Variants in ZBTB16 observed in about 807,000 individuals in gnomAD.
The protein encoded by ZBTB16 is zinc finger and BTB domain-containing protein 16.
A neutral mutation model predicts 56.8 loss-of-function variants in ZBTB16; 8 were observed. The observed-to-expected ratio is 0.14, with a 90% CI of 0.08 to 0.25. The LOEUF is 0.25. Among genes scored for constraint, ZBTB16 ranks in the 10% least tolerant of loss-of-function variants. The pLI, the probability that ZBTB16 is intolerant of heterozygous loss-of-function variation, is 1.00. For missense variants in ZBTB16, 625 were observed against 903.0 expected (o/e 0.69, Z 3.95); for synonymous variants, 363 against 368.5 (o/e 0.98, Z 0.17).
chr11:114,205,875 G>A (rs543461456), intron 4 of ZBTB16, among the ~76,000 whole-genome samples: 2 of 152,328 alleles, frequency 1.3e-5, no homozygotes, highest in South Asian at 2.1e-4. Flanking sequence ...CTCCTCTGGG[G>A]AACACACTTG....
chr11:114,133,790 G>A (rs1234252082), intron 2 of ZBTB16, among the ~76,000 whole-genome samples: 4 of 152,188 alleles, frequency 2.6e-5, no homozygotes, highest in African/African-American at 9.7e-5. Context: ...CACTGGGTTG[G>A]CCCCATGGTC....
intron 4 of ZBTB16, among the ~76,000 whole-genome samples, chr11:114,203,954 G>T (rs1274504032): frequency 6.6e-6 from 1 of 152,160 alleles, no homozygotes; most frequent in Non-Finnish European, 1.5e-5. Flanking sequence ...AGACGGGGTA[G>T]TTGCGTCTGT....
intron 6 of ZBTB16, among the ~76,000 whole-genome samples, chr11:114,248,328 A>G (rs1421978487): frequency 6.6e-6 from 1 of 152,240 alleles, no homozygotes; most frequent in Non-Finnish European, 1.5e-5. Context: ...TTGCTTGTGA[A>G]AGCTAATTTT....
At chr11:114,110,448 G>A (rs1940965160) in intron 2 of ZBTB16, among the ~76,000 whole-genome samples, 1 of 152,156 alleles carries the variant, frequency 6.6e-6, no homozygotes, top group South Asian at 2.1e-4. Flanking sequence ...AAACTTTTAG[G>A]GCTTTTGCGT....
chr11:114,177,286 C>A (rs1408639122), intron 3 of ZBTB16, among the ~76,000 whole-genome samples: 2 of 152,328 alleles, frequency 1.3e-5, no homozygotes, highest in East Asian at 1.9e-4. Context: ...TGAGCTGTTG[C>A]TGTTGCCAGG....
At chr11:114,233,081 G>GCGCACACACACACACACA (rs1250341636) in intron 4 of ZBTB16, among the ~76,000 whole-genome samples, 1 of 87,478 alleles carries the variant, frequency 1.1e-5, no homozygotes, top group African/African-American at 4.4e-5. Flanking sequence ...GCGCGCGCGC[G>GCGCACACACACACACACA]CACACACACA....
intron 3 of ZBTB16, among the ~76,000 whole-genome samples, chr11:114,174,312 G>GTTTTTT (rs11417322): frequency 1.4e-5 from 2 of 145,882 alleles, no homozygotes; most frequent in Non-Finnish European, 3.0e-5. Flanking sequence ...TCTGACTGAG[G>GTTTTTT]TTTTTTTTTT....
chr11:114,169,938 A>T (rs537337491), intron 3 of ZBTB16, among the ~76,000 whole-genome samples: 43 of 152,296 alleles, frequency 2.8e-4, no homozygotes, highest in African/African-American at 1.0e-3. Flanking sequence ...CCAGGCAGGC[A>T]TCTCTTTCCT....
At chr11:114,105,224 TTC>T (rs1414782231) in intron 2 of ZBTB16, among the ~76,000 whole-genome samples, 1 of 151,040 alleles carries the variant, frequency 6.6e-6, no homozygotes, top group Non-Finnish European at 1.5e-5. Flanking sequence ...GCTGAATTAA[TTC>T]TGTCTCTCTC....
intron 2 of ZBTB16, among the ~76,000 whole-genome samples, chr11:114,140,584 T>G (rs1413364172): frequency 6.6e-6 from 1 of 152,090 alleles, no homozygotes; most frequent in African/African-American, 2.4e-5. Context: ...TGCCCATTCT[T>G]GCTGCCATCT....
chr11:114,224,701 T>A (rs1178717792), intron 4 of ZBTB16, among the ~76,000 whole-genome samples: 2 of 151,808 alleles, frequency 1.3e-5, no homozygotes, highest in Non-Finnish European at 2.9e-5. Flanking sequence ...TCCAGAACAA[T>A]CCCAATCCAC....
intron 2 of ZBTB16, among the ~76,000 whole-genome samples, chr11:114,105,214 G>A (rs750452671): frequency 1.3e-5 from 2 of 151,586 alleles, no homozygotes; most frequent in Non-Finnish European, 2.9e-5. Context: ...AGCCCAAAAC[G>A]CTGAATTAAT....
chr11:114,062,322 C>CG (rs1357883790), intron 1 of ZBTB16, among the ~76,000 whole-genome samples: 2 of 151,998 alleles, frequency 1.3e-5, no homozygotes, highest in African/African-American at 4.8e-5. Flanking sequence ...AGGCTGGTCT[C>CG]GAACTCCCGA....
At position 114,143,858 on chromosome 11, in the gene ZBTB16, A is replaced by C. The variant is rs1489467018; in HGVS notation, c.1269-12479A>C. Among the ~76,000 whole-genome samples, 1 of 152,118 alleles carries C rather than the reference A, an allele frequency of 6.6e-6. No individual in the cohort carries two copies. Among genetic ancestry groups the C allele is most frequent in the Non-Finnish European group, 1.5e-5 (1 of 68,016 alleles). On this transcript the variant is annotated intron_variant, in intron 2 of 6. Transcript: ENST00000335953. This position sits in a 1 kb window ranked among gnomAD's most constrained non-coding sequence, Gnocchi z 6.4. ...AGTATGTTGTTGGGTATTGTGTTGC[A>C]CCGTGAGACTGAAAGTGTGGATGTT...
chr11:114,120,540 A>G (rs1941313246), intron 2 of ZBTB16, among the ~76,000 whole-genome samples: 1 of 152,166 alleles, frequency 6.6e-6, no homozygotes, highest in Admixed American at 6.5e-5. Context: ...TCCTTAGATC[A>G]CTATCGTGTG....
At position 114,063,393 on chromosome 11, in the gene ZBTB16, G is replaced by T. The variant is rs766532385; in HGVS notation, c.93G>T (p.Gly31=). 6 of 1,614,036 alleles carry T rather than the reference G, an allele frequency of 3.7e-6. No homozygotes were observed. In the Admixed American group the frequency reaches 1.0e-4, roughly 27 times the overall value. Residue 31 remains glycine (G), a synonymous_variant, in exon 2 of 7, where the codon GGG becomes GGT. Transcript: ENST00000335953. The surrounding 1 kb of genome is among the most constrained non-coding windows in gnomAD (Gnocchi z 6.5). The part of the protein sequence containing the change: ...LCKANQMRLA[G]TLCDVVIMVD... ...AGGCCAACCAGATGCGGCTGGCCGGGACTTTGTGCGATGTGGTCATCATGG... is the reference window on the plus strand; with the variant it reads ...AGGCCAACCAGATGCGGCTGGCCGGTACTTTGTGCGATGTGGTCATCATGG...
intron 2 of ZBTB16, among the ~76,000 whole-genome samples, chr11:114,080,071 T>C (rs1170660203): frequency 6.6e-6 from 1 of 151,994 alleles, no homozygotes; most frequent in African/African-American, 2.4e-5. Context: ...CTAGAAAGAA[T>C]GGATTGAGTT....
At chr11:114,219,265 A>G (rs1170037667) in intron 4 of ZBTB16, among the ~76,000 whole-genome samples, 1 of 152,184 alleles carries the variant, frequency 6.6e-6, no homozygotes, top group Non-Finnish European at 1.5e-5. Context: ...CTAGTTAAAT[A>G]CAAAAACAAA....
At chr11:114,183,237 C>A (rs1273568624) in intron 3 of ZBTB16, among the ~76,000 whole-genome samples, 1 of 152,150 alleles carries the variant, frequency 6.6e-6, no homozygotes, top group Non-Finnish European at 1.5e-5. Flanking sequence ...AGGACAGGGG[C>A]TTTCACATGC....
Sources: allele counts gnomAD v4.1 joint callset (sites outside exome capture counted in the v4.1 genomes callset), GRCh38; gene constraint gnomAD v4.1.1; non-coding constraint Gnocchi (gnomAD v3.1); transcripts MANE v1.5; gene names NCBI Gene and HGNC (gene_info 2026-07-23, HGNC 2026-07-21).